MICU1: variants seen among roughly 807,000 people sequenced by gnomAD.
The protein encoded by MICU1 is mitochondrial calcium uptake 1, also known as calcium uptake protein 1, mitochondrial.
In MICU1, 45 loss-of-function variants were observed where a neutral mutation model predicts 56.8. That is an observed-to-expected ratio of 0.79 (90% CI 0.62 to 1.02). The LOEUF (loss-of-function observed/expected upper bound fraction) is 1.02, where lower values mean the gene tolerates loss of function less well. Ranked by LOEUF, MICU1 falls within the 50% of genes least tolerant of loss-of-function variation. MICU1 has a pLI of 0.00. For missense variants in MICU1, 504 were observed against 587.1 expected, an observed-to-expected ratio of 0.86 and a Z score of 1.46; for synonymous variants, 186 against 195.1, an observed-to-expected ratio of 0.95 and a Z score of 0.39.
chr10:72,543,344 A>G (rs912938168), intron 4 of MICU1, among the ~76,000 whole-genome samples: 2 of 152,170 alleles, frequency 1.3e-5, no homozygotes, highest in South Asian at 2.1e-4. Context: ...TTATTAACCA[A>G]ATTAAAAGTG....
chr10:72,464,780 C>T (rs1232956038), intron 8 of MICU1, among the ~76,000 whole-genome samples: 1 of 152,084 alleles, frequency 6.6e-6, no homozygotes, highest in East Asian at 1.9e-4. Flanking sequence ...TGATAGCAAA[C>T]TTGAGCTGGA....
At chr10:72,390,517 C>T (rs1210022293) in intron 10 of MICU1, among the ~76,000 whole-genome samples, 1 of 152,086 alleles carries the variant, frequency 6.6e-6, no homozygotes, top group African/African-American at 2.4e-5. Context: ...TCCACAGAAC[C>T]ATCATCATAT....
At position 72,400,866 on chromosome 10, in the gene MICU1, TACACACACACACAC is replaced by T. The variant is rs61091649; in HGVS notation, c.1180+7049_1180+7062del. On this transcript the variant is annotated intron_variant, in intron 10 of 11. Transcript: ENST00000361114. ...TTCTAGAGAAATGATCTGGTGGTGC[TACACACACACACAC>T]ACACACACACACACACACACACACC... is the stretch of plus-strand genomic sequence containing the variant. 1.7e-3 allele frequency among the ~76,000 whole-genome samples: 238 copies of T among 142,334 alleles called. 1 individual carries two copies. The highest frequency in any genetic ancestry group is 4.4e-3 in the African/African-American group (174 of 39,550). The allele number at this position is 142,334 out of a possible 152,430, so 93.4% of individuals were successfully genotyped here. A position where few individuals can be genotyped will look rare whatever the true frequency, so the allele number is the denominator to read the frequency against.
intron 8 of MICU1, among the ~76,000 whole-genome samples, chr10:72,431,749 G>C (rs1291015015): frequency 1.3e-5 from 2 of 152,142 alleles, no homozygotes; most frequent in Non-Finnish European, 2.9e-5. Flanking sequence ...AAAAATGGTA[G>C]AGATAAACTA....
rs555035909 is a variant in MICU1, at chr10:72,447,358, T to C, written c.934-23987A>G. ...AGATAATAGGACAACACCAAGATCATAATATAGGCTAGAGGGTTTTAAAAT... is the reference window on the plus strand; with the variant it reads ...AGATAATAGGACAACACCAAGATCACAATATAGGCTAGAGGGTTTTAAAAT... On this transcript the variant is annotated intron_variant, in intron 8 of 11. Transcript: ENST00000361114. Among the ~76,000 whole-genome samples, 6 of 152,298 alleles carry C rather than the reference T, an allele frequency of 3.9e-5. No homozygotes were observed. The South Asian group carries it at 1.0e-3, about 26-fold the overall frequency.
At chr10:72,489,570 A>C (rs1217587823) in intron 6 of MICU1, among the ~76,000 whole-genome samples, 1 of 152,188 alleles carries the variant, frequency 6.6e-6, no homozygotes, top group African/African-American at 2.4e-5. Flanking sequence ...TCTTTGCTAC[A>C]AAAGGGTACA....
chr10:72,544,290 G>A (rs1471328765), intron 4 of MICU1, among the ~76,000 whole-genome samples: 9 of 152,166 alleles, frequency 5.9e-5, no homozygotes, highest in Non-Finnish European at 1.0e-4. Context: ...GAGTCTTGCC[G>A]AAGCTCCCGG....
At chr10:72,620,348 C>T (rs769063962) in intron 1 of MICU1, among the ~76,000 whole-genome samples, 1 of 151,980 alleles carries the variant, frequency 6.6e-6, no homozygotes, top group East Asian at 1.9e-4. Context: ...CCATGCCTGG[C>T]TAATTTTTTG....
chr10:72,556,862 C>T (rs1180353983), intron 3 of MICU1, among the ~76,000 whole-genome samples: 2 of 151,618 alleles, frequency 1.3e-5, no homozygotes, highest in African/African-American at 4.8e-5. Context: ...GTCAGGAGTT[C>T]GAGACCAGCC....
intron 1 of MICU1, among the ~76,000 whole-genome samples, chr10:72,577,509 CAAAA>C (rs534974944): frequency 7.0e-5 from 6 of 85,904 alleles, no homozygotes; most frequent in Non-Finnish European, 7.4e-5. Context: ...AACTCCGTCT[CAAAA>C]AAAAAAAAAA....
At chr10:72,424,488 T>G (rs1192611578) in intron 8 of MICU1, among the ~76,000 whole-genome samples, 1 of 152,124 alleles carries the variant, frequency 6.6e-6, no homozygotes, top group East Asian at 1.9e-4. Context: ...AATTACTTTT[T>G]TTTTTGTAAA....
intron 10 of MICU1, chr10:72,379,730 T>A: frequency 4.2e-6 from 1 of 237,342 alleles, no homozygotes; most frequent in Non-Finnish European, 8.8e-6. Flanking sequence ...TCATTACAGA[T>A]GCCATCTCTT....
chr10:72,410,345 G>A (rs1027562242), intron 9 of MICU1, among the ~76,000 whole-genome samples: 6 of 152,110 alleles, frequency 3.9e-5, no homozygotes, highest in Admixed American at 2.0e-4. Flanking sequence ...AGCCAGGCAC[G>A]GTGGCTCACG....
chr10:72,592,760 C>T (rs1841262212), intron 1 of MICU1, among the ~76,000 whole-genome samples: 1 of 150,860 alleles, frequency 6.6e-6, no homozygotes, highest in Admixed American at 6.6e-5. Context: ...GAGCATTTCC[C>T]AAAATTCCAC....
intron 9 of MICU1, among the ~76,000 whole-genome samples, chr10:72,422,416 T>G (rs564636164): frequency 1.3e-5 from 2 of 152,360 alleles, no homozygotes; most frequent in East Asian, 3.9e-4. Context: ...GAAGCCCCAG[T>G]AGGCTAATAC....
chr10:72,599,395 C>T (rs1412233514), intron 1 of MICU1, among the ~76,000 whole-genome samples: 6 of 152,090 alleles, frequency 3.9e-5, no homozygotes, highest in Non-Finnish European at 4.4e-5. Context: ...TTACATCAGG[C>T]GCTGTTCTGA....
intron 3 of MICU1, among the ~76,000 whole-genome samples, chr10:72,558,534 A>G (rs1481780609): frequency 6.6e-6 from 1 of 152,164 alleles, no homozygotes; most frequent in East Asian, 1.9e-4. Context: ...TCTCTTGACC[A>G]TGAAAGGAGG....
chr10:72,569,237 A>ATATATTTTTTTTTTTTT, intron 1 of MICU1, among the ~76,000 whole-genome samples: 3 of 34,392 alleles, frequency 8.7e-5, no homozygotes, highest in Non-Finnish European at 1.0e-4. Flanking sequence ...ATATATATAT[A>ATATATTTTTTTTTTTTT]TTTTTTTTTT....
intron 1 of MICU1, among the ~76,000 whole-genome samples, chr10:72,623,043 C>T (rs1027654411): frequency 1.1e-4 from 17 of 151,544 alleles, no homozygotes; most frequent in African/African-American, 3.9e-4. Context: ...CTGAGGCGGG[C>T]GGATCACTTG....
Sources: gnomAD v4.1 joint callset for allele counts (sites outside exome capture counted in the v4.1 genomes callset) on GRCh38, gnomAD v4.1.1 for gene constraint, MANE v1.5 for transcripts, NCBI Gene and HGNC (gene_info 2026-07-23, HGNC 2026-07-21) for gene names.